Variants in ADCY1 observed in about 807,000 individuals in gnomAD.
ADCY1 encodes the protein adenylate cyclase 1, also known as adenylate cyclase type 1.
In ADCY1, 28 loss-of-function variants were observed where a neutral mutation model predicts 105.4. That is an observed-to-expected ratio of 0.27 (90% CI 0.20 to 0.36). The LOEUF (loss-of-function observed/expected upper bound fraction) is 0.36, where lower values mean the gene tolerates loss of function less well. Ranked by LOEUF, ADCY1 falls within the 10% of genes least tolerant of loss-of-function variation. The pLI is 1.00. For missense variants in ADCY1, 977 were observed against 1,434.2 expected (o/e 0.68, Z 5.15); for synonymous variants, 655 against 623.8 (o/e 1.05, Z -0.75).
chr7:45,615,468 A>G (rs1793713353), intron 3 of ADCY1, among the ~76,000 whole-genome samples: 1 of 152,116 alleles, frequency 6.6e-6, no homozygotes, highest in African/African-American at 2.4e-5. Context: ...GCATGGTGGC[A>G]TGCACCTGTA....
chr7:45,592,699 G>T, intron 1 of ADCY1, 60 bp from the exon 2 acceptor site: 2 of 1,608,390 alleles, frequency 1.2e-6, no homozygotes, highest in South Asian at 1.1e-5. Context: ...GGGCGGCCTA[G>T]GCCCTCTTTG....
At chr7:45,609,542 G>A (rs949127699) in intron 2 of ADCY1, among the ~76,000 whole-genome samples, 3 of 152,194 alleles carry the variant, frequency 2.0e-5, no homozygotes, top group Non-Finnish European at 2.9e-5. Context: ...CTGATTCTAC[G>A]TGGGATTTAA....
chr7:45,686,776 A>T lies in ADCY1; in HGVS notation c.2454+103A>T. ...GCTGCCACAGACACCCACACGCCGT[A>T]TGGCCCTCGGAGGGCCCTCCTCAGC... On this transcript the variant is annotated intron_variant, in intron 14 of 19. Coordinates refer to ENST00000297323, the MANE Select transcript of ADCY1 (RefSeq NM_021116.4). The surrounding 1 kb of genome is among the most constrained non-coding windows in gnomAD (Gnocchi z 4.3). 1 of 1,468,130 alleles carries T rather than the reference A, an allele frequency of 6.8e-7. No homozygotes were observed. The highest frequency in any genetic ancestry group is 2.4e-5 in the Admixed American group (1 of 42,374). The allele number at this position is 1,468,130 out of a possible 1,614,324, so 90.9% of individuals were successfully genotyped here.
At chr7:45,655,866 G>A (rs542747530) in intron 5 of ADCY1, among the ~76,000 whole-genome samples, 3 of 152,166 alleles carry the variant, frequency 2.0e-5, no homozygotes, top group Admixed American at 2.0e-4. Flanking sequence ...TTATTAGTAT[G>A]TTATGTTATT....
At chr7:45,602,552 T>C (rs1793267749) in intron 2 of ADCY1, among the ~76,000 whole-genome samples, 1 of 152,206 alleles carries the variant, frequency 6.6e-6, no homozygotes, top group Non-Finnish European at 1.5e-5. Context: ...TGGAACAATT[T>C]TGAGTTCTCA....
intron 3 of ADCY1, among the ~76,000 whole-genome samples, chr7:45,610,778 G>T (rs1562687057): frequency 8.6e-5 from 12 of 139,648 alleles, no homozygotes; most frequent in South Asian, 4.7e-4. Context: ...TAGTGGAGGT[G>T]TGGGGGTGAT....
At position 45,721,763 on chromosome 7, in the gene ADCY1, A is replaced by G. The variant is rs2116310793; in HGVS notation, c.*7768A>G. ...GAGGGCTTATGATGGATGGTGAGAG[A>G]TTTGACAACCACCAGAGCACATGTG... On this transcript the variant is annotated 3_prime_UTR_variant, in exon 20 of 20. Coordinates refer to ENST00000297323, the MANE Select transcript of ADCY1 (RefSeq NM_021116.4). 5.0e-6 allele frequency: 2 copies of G among 398,540 alleles called. No individual in the cohort carries two copies. Among genetic ancestry groups the G allele is most frequent in the South Asian group, 2.5e-4 (2 of 7,860 alleles). 24.7% of individuals were successfully genotyped at this position (398,540 alleles called of 1,614,324 possible).
chr7:45,705,697 A>G (rs943005968), intron 17 of ADCY1, among the ~76,000 whole-genome samples: 5 of 152,326 alleles, frequency 3.3e-5, no homozygotes, highest in African/African-American at 1.2e-4. Flanking sequence ...TCTATTCAAC[A>G]TTTTACTGGA....
intron 7 of ADCY1, among the ~76,000 whole-genome samples, chr7:45,661,678 C>A (rs1196016756): frequency 6.6e-6 from 1 of 152,152 alleles, no homozygotes; most frequent in African/African-American, 2.4e-5. Flanking sequence ...CATGCGATTT[C>A]TTTCCTTGTC....
intron 1 of ADCY1, among the ~76,000 whole-genome samples, chr7:45,581,223 G>T (rs1158415875): frequency 6.6e-6 from 1 of 152,154 alleles, no homozygotes; most frequent in Non-Finnish European, 1.5e-5. Context: ...TGAATGGATT[G>T]TGCCTGGGAG....
At chr7:45,623,797 C>T (rs1403495131) in intron 4 of ADCY1, among the ~76,000 whole-genome samples, 1 of 152,136 alleles carries the variant, frequency 6.6e-6, no homozygotes, top group African/African-American at 2.4e-5. Flanking sequence ...TCTCCTCTTT[C>T]GAAGAGGGAA....
intron 4 of ADCY1, among the ~76,000 whole-genome samples, chr7:45,623,320 C>T (rs1423806975): frequency 6.6e-6 from 1 of 152,246 alleles, no homozygotes; most frequent in African/African-American, 2.4e-5. Context: ...CGGGCCAAGG[C>T]CATACCAACA....
rs1401322034 is a variant in ADCY1, at chr7:45,710,643, C to T, written c.3048C>T (p.Gly1016=). The stretch of plus-strand genomic sequence containing the variant: ...GGATGGATAGCACAGGGGTCCAGGG[C>T]AGAATCCAGGTCAGTTCACCAAGAA... ...ASRMDSTGVQ[G]RIQVTEEVHR... The change falls in exon 19 of 20, where the codon GGC becomes GGT. Residue 1016 remains glycine (G), a synonymous_variant. Coordinates refer to ENST00000297323, the MANE Select transcript of ADCY1 (RefSeq NM_021116.4). This position sits in a 1 kb window ranked among gnomAD's most constrained non-coding sequence, Gnocchi z 4.7. 1 of 1,613,040 alleles carries T rather than the reference C, an allele frequency of 6.2e-7. No homozygotes were observed. Among genetic ancestry groups the T allele is most frequent in the Non-Finnish European group, 8.5e-7 (1 of 1,179,612 alleles).
intron 3 of ADCY1, among the ~76,000 whole-genome samples, chr7:45,622,354 A>C (rs187503223): frequency 1.7e-4 from 26 of 152,046 alleles, no homozygotes; most frequent in Non-Finnish European, 3.7e-4. Context: ...GGCTTTCCCT[A>C]TGTGGTGTGA....
Position 45,686,094 on chromosome 7 carries a change from G to T in ADCY1, c.2206G>T (p.Val736Leu). The change falls in exon 13 of 20, where the codon GTG becomes TTG. Residue 736 changes from valine to leucine, a missense_variant. Around this residue, in one of 7 missense-constraint regions of ADCY1, gnomAD observed 275 missense variants for 362.1 expected, o/e 0.76. Coordinates refer to ENST00000297323, the MANE Select transcript of ADCY1 (RefSeq NM_021116.4). This position sits in a 1 kb window ranked among gnomAD's most constrained non-coding sequence, Gnocchi z 4.3. ...STHHALLCCLVGTLPLAIFFR... is the reference protein window; with the variant it reads ...STHHALLCCLLGTLPLAIFFR... ...ACACCATGCCCTGCTCTGCTGCCTG[G>T]TGGGCACCCTCCCGCTAGCCATATT... 1 of 1,614,106 alleles carries T rather than the reference G, an allele frequency of 6.2e-7. No individual in the cohort carries two copies. Among genetic ancestry groups the T allele is most frequent in the Non-Finnish European group, 8.5e-7 (1 of 1,179,998 alleles).
chr7:45,665,599 C>T (rs1166421578), intron 8 of ADCY1, among the ~76,000 whole-genome samples: 2 of 152,248 alleles, frequency 1.3e-5, no homozygotes, highest in African/African-American at 4.8e-5. Flanking sequence ...ACACATGATA[C>T]AAAAATTAAG....
At chr7:45,658,956 G>T (rs1207363388) in intron 6 of ADCY1, among the ~76,000 whole-genome samples, 1 of 152,220 alleles carries the variant, frequency 6.6e-6, no homozygotes, top group Non-Finnish European at 1.5e-5. Context: ...CTGGGCCCGG[G>T]GATCCAAGCA....
chr7:45,643,434 A>C (rs561278770), intron 4 of ADCY1, among the ~76,000 whole-genome samples: 1 of 152,158 alleles, frequency 6.6e-6, no homozygotes, highest in Non-Finnish European at 1.5e-5. Context: ...GCTCAAAATA[A>C]CATTGCCAAT....
At chr7:45,609,898 A>G (rs1483963910) in intron 2 of ADCY1, among the ~76,000 whole-genome samples, 1 of 152,248 alleles carries the variant, frequency 6.6e-6, no homozygotes, top group African/African-American at 2.4e-5. Context: ...AGGGAGAAGT[A>G]AGAAGACAAA....
Sources: allele counts gnomAD v4.1 joint callset (sites outside exome capture counted in the v4.1 genomes callset), GRCh38; gene constraint gnomAD v4.1.1; regional missense constraint gnomAD v4.1.1; non-coding constraint Gnocchi (gnomAD v3.1); transcripts MANE v1.5; gene names NCBI Gene and HGNC (gene_info 2026-07-23, HGNC 2026-07-21).